PDGFC: variants seen among roughly 807,000 people sequenced by gnomAD.
PDGFC encodes the protein platelet derived growth factor C, also known as platelet-derived growth factor C.
PDGFC carries 12 observed loss-of-function variants against 35.5 expected under a neutral mutation model. The observed-to-expected ratio is 0.34, with a 90% CI of 0.22 to 0.55. The LOEUF (loss-of-function observed/expected upper bound fraction) is 0.55, where lower values mean the gene tolerates loss of function less well. Among genes scored for constraint, PDGFC ranks in the 20% least tolerant of loss-of-function variants. PDGFC has a pLI of 0.91. For missense variants in PDGFC, 322 were observed against 412.4 expected (o/e 0.78, Z 1.90); for synonymous variants, 159 against 148.8 (o/e 1.07, Z -0.50).
chr4:156,932,546 C>G (rs1240606404), intron 1 of PDGFC, among the ~76,000 whole-genome samples: 1 of 151,910 alleles, frequency 6.6e-6, no homozygotes, highest in African/African-American at 2.4e-5. Context: ...CACATATATA[C>G]CATGGAATAC....
intron 1 of PDGFC, among the ~76,000 whole-genome samples, chr4:156,924,744 C>T (rs534143850): frequency 6.6e-6 from 1 of 152,296 alleles, no homozygotes; most frequent in Admixed American, 6.5e-5. Flanking sequence ...GGACACATTT[C>T]TGAGCTATGC....
rs368080732 is a variant in PDGFC at position 156,769,124 on chromosome 4, A to T, written c.704-1134T>A. ...TCCTAATAAAGTTTTTTAAAAATTT[A>T]GAAATATTATCTAAAATATAATAAA... is the stretch of plus-strand genomic sequence containing the variant. On this transcript the variant is annotated intron_variant, in intron 4 of 5. Transcript: ENST00000502773. Among the ~76,000 whole-genome samples, 4 of 152,036 alleles carry T rather than the reference A, an allele frequency of 2.6e-5. No homozygotes were observed. In the South Asian group the frequency reaches 8.3e-4, roughly 31 times the overall value.
chr4:156,878,287 G>A (rs528065962), intron 1 of PDGFC, among the ~76,000 whole-genome samples: 1 of 152,306 alleles, frequency 6.6e-6, no homozygotes, highest in East Asian at 1.9e-4. Flanking sequence ...AGAGCAAGGA[G>A]CAGTGAAGTC....
intron 2 of PDGFC, among the ~76,000 whole-genome samples, chr4:156,824,327 T>TATATATATATACACACATATACACATAC (rs1491500876): frequency 9.7e-6 from 1 of 102,844 alleles, no homozygotes; most frequent in African/African-American, 4.5e-5. Flanking sequence ...TATATATATA[T>TATATATATATACACACATATACACATAC]ACACACACAC....
At chr4:156,811,527 T>G (rs1388963163) in intron 2 of PDGFC, among the ~76,000 whole-genome samples, 3 of 152,096 alleles carry the variant, frequency 2.0e-5, no homozygotes, top group Non-Finnish European at 4.4e-5. Flanking sequence ...TCTTCCTTTC[T>G]GTGACCTTCC....
At chr4:156,928,590 A>G (rs1207621874) in intron 1 of PDGFC, among the ~76,000 whole-genome samples, 1 of 152,184 alleles carries the variant, frequency 6.6e-6, no homozygotes, top group Non-Finnish European at 1.5e-5. Context: ...AATGGAGGAG[A>G]CTGGAAGATG....
At chr4:156,884,328 T>C (rs1187577383) in intron 1 of PDGFC, among the ~76,000 whole-genome samples, 1 of 152,188 alleles carries the variant, frequency 6.6e-6, no homozygotes, top group Non-Finnish European at 1.5e-5. Flanking sequence ...AGTCGAGGCT[T>C]GCATGAAAGA....
At chr4:156,882,812 T>C (rs1276665164) in intron 1 of PDGFC, among the ~76,000 whole-genome samples, 1 of 152,150 alleles carries the variant, frequency 6.6e-6, no homozygotes, top group African/African-American at 2.4e-5. Context: ...AGGCTGGGCA[T>C]GGTGGCTCAC....
chr4:156,863,163 T>G (rs1473047834), intron 1 of PDGFC, among the ~76,000 whole-genome samples: 1 of 152,222 alleles, frequency 6.6e-6, no homozygotes, highest in African/African-American at 2.4e-5. Flanking sequence ...ATATAATATC[T>G]TGTCTAAACA....
At chr4:156,935,737 C>T (rs909599632) in intron 1 of PDGFC, among the ~76,000 whole-genome samples, 2 of 152,146 alleles carry the variant, frequency 1.3e-5, no homozygotes, top group African/African-American at 4.8e-5. Context: ...GGAACCTAAT[C>T]TTGTAAGAGC....
At chr4:156,789,069 C>T (rs1731207787) in intron 3 of PDGFC, among the ~76,000 whole-genome samples, 1 of 152,130 alleles carries the variant, frequency 6.6e-6, no homozygotes, top group African/African-American at 2.4e-5. Flanking sequence ...ATCTACTGGA[C>T]AAAGCAGTTT....
chr4:156,812,314 A>G (rs890130753), intron 2 of PDGFC, among the ~76,000 whole-genome samples: 1 of 152,132 alleles, frequency 6.6e-6, no homozygotes, highest in African/African-American at 2.4e-5. Context: ...GGTAATTGTT[A>G]CTGTTCATTT....
rs1215553313 is a variant in PDGFC at position 156,762,610 on chromosome 4, A to G, written c.*480T>C. The G allele has an allele frequency of 1.3e-5, 2 of 151,752 alleles. No individual in the cohort carries two copies. The highest frequency in any genetic ancestry group is 2.5e-5 in the African/African-American group (1 of 40,790). 9.4% of individuals were successfully genotyped at this position (151,752 alleles called of 1,614,324 possible). On this transcript the variant is annotated 3_prime_UTR_variant, in exon 6 of 6. Coordinates refer to ENST00000502773, the MANE Select transcript of PDGFC (RefSeq NM_016205.3). Reference sequence around the variant, plus strand: ...TAGTACATAGAATGTTCTGGTTTACATATGTGAATATGAGCAAAAAAAAAA... The same window carrying G: ...TAGTACATAGAATGTTCTGGTTTACGTATGTGAATATGAGCAAAAAAAAAA...
intron 4 of PDGFC, among the ~76,000 whole-genome samples, chr4:156,769,745 C>T (rs923696215): frequency 9.2e-5 from 14 of 151,984 alleles, no homozygotes; most frequent in Non-Finnish European, 2.1e-4. Context: ...AATGGTATCA[C>T]ATATTTTACC....
intron 3 of PDGFC, among the ~76,000 whole-genome samples, chr4:156,809,856 A>C (rs1331658573): frequency 1.1e-4 from 16 of 151,954 alleles, no homozygotes; most frequent in Admixed American, 1.1e-3. Context: ...TCCTTAATTT[A>C]AAGTTTATTT....
chr4:156,780,262 T>G (rs1730942655), intron 3 of PDGFC, among the ~76,000 whole-genome samples: 1 of 152,120 alleles, frequency 6.6e-6, no homozygotes, highest in African/African-American at 2.4e-5. Flanking sequence ...TATTGAATAC[T>G]TGTGGATTTG....
chr4:156,937,989 C>T (rs1731722955), intron 1 of PDGFC, among the ~76,000 whole-genome samples: 8 of 151,998 alleles, frequency 5.3e-5, no homozygotes, highest in Admixed American at 3.9e-4. Context: ...CATTTACAAC[C>T]TACTAAATTA....
chr4:156,875,343 A>G (rs970569069), intron 1 of PDGFC, among the ~76,000 whole-genome samples: 1 of 152,192 alleles, frequency 6.6e-6, no homozygotes. Flanking sequence ...TTCATTTCAT[A>G]TGATGCTAGC....
At chr4:156,931,525 A>C (rs561395345) in intron 1 of PDGFC, among the ~76,000 whole-genome samples, 1 of 152,316 alleles carries the variant, frequency 6.6e-6, no homozygotes, top group East Asian at 1.9e-4. Context: ...CTATCCAAGA[A>C]AAACAACCCA....
Sources: gnomAD v4.1 joint callset for allele counts (sites outside exome capture counted in the v4.1 genomes callset) on GRCh38, gnomAD v4.1.1 for gene constraint, MANE v1.5 for transcripts, NCBI Gene and HGNC (gene_info 2026-07-23, HGNC 2026-07-21) for gene names.